TSGA10: variants seen among roughly 807,000 people sequenced by gnomAD.
TSGA10 encodes testis-specific gene 10 protein.
In TSGA10, 43 loss-of-function variants were observed where a neutral mutation model predicts 96.6. The ratio of observed to expected loss-of-function variants is 0.44; its 90% confidence interval spans 0.35 to 0.57. The LOEUF (loss-of-function observed/expected upper bound fraction) is 0.57. Among genes scored for constraint, TSGA10 ranks in the 20% least tolerant of loss-of-function variants. The probability of loss-of-function intolerance (pLI) is 0.01; values close to 1 mark genes in which losing one functional copy is unlikely to be tolerated. For missense variants in TSGA10, 703 were observed against 834.4 expected (o/e 0.84, Z 1.94); for synonymous variants, 229 against 269.9 (o/e 0.85, Z 1.48).
At chr2:99,060,252 A>G (rs1271354696) in intron 16 of TSGA10, among the ~76,000 whole-genome samples, 1 of 152,346 alleles carries the variant, frequency 6.6e-6, no homozygotes, top group East Asian at 1.9e-4. Flanking sequence ...ACTTTTGTGT[A>G]TAGGCTATCA....
intron 1 of TSGA10, among the ~76,000 whole-genome samples, chr2:99,134,234 G>A (rs776419994): frequency 3.9e-5 from 6 of 151,968 alleles, no homozygotes; most frequent in African/African-American, 7.3e-5. Flanking sequence ...AGGTAGGTCT[G>A]GTCTTTTCAC....
chr2:99,055,969 T>C (rs948989600), intron 16 of TSGA10, among the ~76,000 whole-genome samples: 12 of 151,258 alleles, frequency 7.9e-5, no homozygotes, highest in Non-Finnish European at 8.8e-5. Context: ...TTTGGGAGGC[T>C]GAGGAGGGTG....
intron 17 of TSGA10, among the ~76,000 whole-genome samples, chr2:99,032,502 G>C (rs1249771819): frequency 6.6e-6 from 1 of 152,140 alleles, no homozygotes; most frequent in Non-Finnish European, 1.5e-5. Flanking sequence ...AAACTGCTTT[G>C]CCACTTGGAG....
intron 10 of TSGA10, among the ~76,000 whole-genome samples, chr2:99,086,254 C>T (rs1246368129): frequency 5.3e-5 from 8 of 152,152 alleles, no homozygotes; most frequent in Admixed American, 6.5e-5. Flanking sequence ...ACTCTGACCA[C>T]TACATGACAC....
At chr2:99,099,173 G>T (rs2090425394) in intron 10 of TSGA10, among the ~76,000 whole-genome samples, 1 of 152,176 alleles carries the variant, frequency 6.6e-6, no homozygotes, top group African/African-American at 2.4e-5. Context: ...TTAGCTGGGG[G>T]TAGTGGCGCG....
chr2:99,114,485 T>C (rs1224782547), intron 4 of TSGA10, among the ~76,000 whole-genome samples: 1 of 152,148 alleles, frequency 6.6e-6, no homozygotes, highest in Non-Finnish European at 1.5e-5. Flanking sequence ...TTCTGATGTT[T>C]TTCCTGTGTC....
At chr2:99,144,121 C>T (rs941998927) in intron 1 of TSGA10, among the ~76,000 whole-genome samples, 3 of 152,218 alleles carry the variant, frequency 2.0e-5, no homozygotes, top group South Asian at 2.1e-4. Context: ...CGCGGCTTCA[C>T]GCCATTCTCC....
At chr2:99,038,130 C>A (rs1303737970) in intron 16 of TSGA10, among the ~76,000 whole-genome samples, 1 of 151,886 alleles carries the variant, frequency 6.6e-6, no homozygotes, top group African/African-American at 2.4e-5. Flanking sequence ...ACCATGTCAG[C>A]ACTATGAGAA....
intron 12 of TSGA10, among the ~76,000 whole-genome samples, chr2:99,075,729 G>C (rs774212992): frequency 6.6e-6 from 1 of 152,094 alleles, no homozygotes; most frequent in Non-Finnish European, 1.5e-5. Flanking sequence ...TTTTGAAGTA[G>C]ACTTGTAACT....
intron 16 of TSGA10, among the ~76,000 whole-genome samples, chr2:99,057,492 C>T (rs534840300): frequency 2.6e-5 from 4 of 152,150 alleles, no homozygotes; most frequent in East Asian, 1.9e-4. Context: ...GAAAACAATT[C>T]TATTTACAGT....
rs530339213 is a variant in TSGA10, at chr2:99,020,399, A to T, written c.1698T>A (p.Asn566Lys). The T allele has an allele frequency of 6.2e-7, 1 of 1,613,900 alleles. No individual in the cohort carries two copies. The highest frequency in any genetic ancestry group is 1.1e-5 in the South Asian group (1 of 91,066). Residue 566 changes from asparagine (N) to lysine (K), a missense_variant, in exon 18 of 21, where the codon AAT (asparagine) becomes AAA (lysine). Asn to Lys is a moderately conservative substitution (Grantham distance 94). Coordinates refer to ENST00000393483, the MANE Select transcript of TSGA10 (RefSeq NM_025244.4). ...QMANERISMQ[N>K]LEALLVANRD... is the part of the protein sequence containing the mutation. ...GATTGGCCACCAGCAAAGCTTCTAG[A>T]TTCTGCATGGAGATTCTCTCATTTG...
Position 99,048,507 on chromosome 2 carries a change from T to C in TSGA10, c.1405-13068A>G, listed in dbSNP as rs562654465. ...AGGATTCCCTATTTCATAAATGGTG[T>C]TGGAAAAACTGGCTAGCCATATGCA... On this transcript the variant is annotated intron_variant, in intron 16 of 20. Coordinates refer to ENST00000393483, the MANE Select transcript of TSGA10 (RefSeq NM_025244.4). 8.5e-5 allele frequency among the ~76,000 whole-genome samples: 13 copies of C among 152,092 alleles called. No homozygotes were observed. The South Asian group carries it at 2.7e-3, about 32-fold the overall frequency.
intron 20 of TSGA10, among the ~76,000 whole-genome samples, chr2:98,999,299 C>A (rs749995935): frequency 6.6e-6 from 1 of 152,114 alleles, no homozygotes; most frequent in Non-Finnish European, 1.5e-5. Context: ...CATGCAACAA[C>A]CTGGATAAAT....
chr2:99,143,311 TTTTG>T lies in TSGA10; in HGVS notation c.-621+11378_-621+11381del, dbSNP rs576176784. Among the ~76,000 whole-genome samples the T allele has an allele frequency of 1.3e-4, 20 of 151,298 alleles. No homozygotes were observed. In the South Asian group the frequency reaches 3.6e-3, roughly 27 times the overall value. ...CGCCCACTACTACGCCCAGCTTTTT[TTTTG>T]TTTGTTTTTTGTTTTTTGTATTTTT... On this transcript the variant is annotated intron_variant, in intron 1 of 20. Coordinates refer to ENST00000393483, the MANE Select transcript of TSGA10 (RefSeq NM_025244.4).
At chr2:99,027,033 G>A (rs993195778) in intron 17 of TSGA10, among the ~76,000 whole-genome samples, 19 of 152,142 alleles carry the variant, frequency 1.2e-4, no homozygotes, top group African/African-American at 4.3e-4. Flanking sequence ...TCACAATAGG[G>A]TGCACGCTTT....
chr2:99,063,366 T>C (rs1365903195), intron 16 of TSGA10, among the ~76,000 whole-genome samples: 2 of 152,182 alleles, frequency 1.3e-5, no homozygotes, highest in Non-Finnish European at 1.5e-5. Context: ...TAGGAAAATA[T>C]TGATAATAAT....
intron 16 of TSGA10, among the ~76,000 whole-genome samples, chr2:99,036,295 C>T (rs971102942): frequency 6.6e-6 from 1 of 152,106 alleles, no homozygotes; most frequent in Non-Finnish European, 1.5e-5. Context: ...TCCTTCCTCA[C>T]TCACTCTTTC....
chr2:99,109,058 G>A, intron 6 of TSGA10, 67 bp from the exon 7 acceptor site: 1 of 1,156,142 alleles, frequency 8.6e-7, no homozygotes, highest in Non-Finnish European at 1.2e-6. Context: ...TGCTACTGAT[G>A]GTAGTGCCCA....
At chr2:99,055,383 TAGAC>T (rs2083858497) in intron 16 of TSGA10, among the ~76,000 whole-genome samples, 2 of 151,986 alleles carry the variant, frequency 1.3e-5, no homozygotes, top group South Asian at 2.1e-4. Flanking sequence ...AAGCTTCAGT[TAGAC>T]AGAAAGAATA....
Sources: allele counts gnomAD v4.1 joint callset (sites outside exome capture counted in the v4.1 genomes callset), GRCh38; gene constraint gnomAD v4.1.1; transcripts MANE v1.5; gene names NCBI Gene and HGNC (gene_info 2026-07-23, HGNC 2026-07-21).